TMEM91: variants seen among roughly 807,000 people sequenced by gnomAD.
TMEM91 encodes the protein transmembrane protein 91.
TMEM91 carries 6 observed loss-of-function variants against 13.3 expected under a neutral mutation model. The observed-to-expected ratio is 0.45, with a 90% CI of 0.25 to 0.89. The LOEUF is 0.89. TMEM91 is among the 40% of genes least tolerant of loss of function. TMEM91 has a pLI of 0.19. For synonymous variants in TMEM91, 87 were observed against 101.7 expected (o/e 0.86, Z 0.87); for missense variants, 193 against 228.7 (o/e 0.84, Z 1.01).
chr19:41,371,077 C>T (rs2038608772), intron 1 of TMEM91, among the ~76,000 whole-genome samples: 2 of 151,950 alleles, frequency 1.3e-5, no homozygotes, highest in Non-Finnish European at 2.9e-5. Context: ...TCTCAGCTCA[C>T]CACAACCTCT....
chr19:41,366,869 G>T (rs868689061), intron 1 of TMEM91, among the ~76,000 whole-genome samples: 4 of 152,178 alleles, frequency 2.6e-5, no homozygotes, highest in Admixed American at 6.5e-5. Flanking sequence ...CGGATTCGGT[G>T]GTTCATGCCC....
At chr19:41,379,137 C>CTT (rs569382453) in intron 2 of TMEM91, among the ~76,000 whole-genome samples, 71 of 109,058 alleles carry the variant, frequency 6.5e-4, no homozygotes, top group African/African-American at 2.1e-3. Context: ...CCCAGCCTTC[C>CTT]TTTTTTTTTT....
intron 2 of TMEM91, among the ~76,000 whole-genome samples, chr19:41,380,634 G>A (rs940639750): frequency 2.0e-5 from 3 of 152,056 alleles, no homozygotes; most frequent in Admixed American, 1.3e-4. Context: ...AATTAGGCCA[G>A]GCGCGGTGGC....
At chr19:41,364,275 A>G (rs1158799670) in intron 1 of TMEM91, 1 of 152,824 alleles carries the variant, frequency 6.5e-6, no homozygotes, top group Non-Finnish European at 1.5e-5. Context: ...CATTTTGGGA[A>G]AATAGCGTCT....
upstream of TMEM91, among the ~76,000 whole-genome samples, chr19:41,374,875 C>T (rs924647531): frequency 3.3e-5 from 5 of 152,186 alleles, no homozygotes; most frequent in East Asian, 3.9e-4. Context: ...CCTAACTACT[C>T]GGGAGGCTGA....
upstream of TMEM91, among the ~76,000 whole-genome samples, chr19:41,375,460 A>G (rs2038698746): frequency 6.7e-6 from 1 of 149,976 alleles, no homozygotes. Context: ...TTGTATTTTT[A>G]GTAGAGACAG....
At chr19:41,379,223 G>A (rs2038810841) in intron 2 of TMEM91, among the ~76,000 whole-genome samples, 1 of 147,374 alleles carries the variant, frequency 6.8e-6, no homozygotes. Context: ...GCTCACACTG[G>A]TAATCCCAGC....
chr19:41,378,984 A>ACC (rs1568492629), intron 2 of TMEM91, among the ~76,000 whole-genome samples: 1 of 151,804 alleles, frequency 6.6e-6, no homozygotes, highest in Non-Finnish European at 1.5e-5. Flanking sequence ...GGCATGTGCC[A>ACC]CCATGCCTGG....
At chr19:41,374,968 A>C (rs1568490677), upstream of TMEM91, among the ~76,000 whole-genome samples, 2 of 152,118 alleles carry the variant, frequency 1.3e-5, no homozygotes, top group East Asian at 3.9e-4. Flanking sequence ...GGGCAACAAG[A>C]GTGAAACTCC....
chr19:41,365,838 G>T (rs1231205760), intron 1 of TMEM91, among the ~76,000 whole-genome samples: 1 of 148,094 alleles, frequency 6.8e-6, no homozygotes, highest in Non-Finnish European at 1.5e-5. Context: ...AGCCTCCTTA[G>T]TAGCTGGGAT....
At chr19:41,368,723 A>C (rs2038568254) in intron 1 of TMEM91, among the ~76,000 whole-genome samples, 1 of 151,006 alleles carries the variant, frequency 6.6e-6, no homozygotes, top group Admixed American at 6.6e-5. Flanking sequence ...AGCTGTTTTA[A>C]AATATATCCA....
intron 1 of TMEM91, among the ~76,000 whole-genome samples, chr19:41,370,484 G>A (rs1340557846): frequency 6.6e-6 from 1 of 151,690 alleles, no homozygotes; most frequent in African/African-American, 2.4e-5. Flanking sequence ...TCAGCTCACT[G>A]CAACCTCCGC....
chr19:41,372,058 C>T (rs535017813), upstream of TMEM91, among the ~76,000 whole-genome samples: 247 of 151,218 alleles, frequency 1.6e-3, 1 homozygote, highest in African/African-American at 5.8e-3. Flanking sequence ...AGAGGGTGGT[C>T]TCAGTGGCTC....
At chr19:41,374,557 C>T (rs1483560684), upstream of TMEM91, 1 of 152,160 alleles carries the variant, frequency 6.6e-6, no homozygotes, top group Non-Finnish European at 1.5e-5. Context: ...TTTGTTGTTG[C>T]AGCAACTCTA....
intron 2 of TMEM91, among the ~76,000 whole-genome samples, chr19:41,381,596 C>T (rs2038889033): frequency 6.6e-6 from 1 of 152,082 alleles, no homozygotes; most frequent in African/African-American, 2.4e-5. Context: ...GATCTCCTGA[C>T]CTCATGATCC....
intron 1 of TMEM91, among the ~76,000 whole-genome samples, chr19:41,365,815 ATTC>A (rs1258447953): frequency 1.4e-5 from 2 of 147,520 alleles, no homozygotes; most frequent in South Asian, 4.3e-4. Flanking sequence ...GGTTCAAGCA[ATTC>A]TTCTGTCTCA....
chr19:41,368,718 T>C (rs993618840), intron 1 of TMEM91, among the ~76,000 whole-genome samples: 4 of 149,094 alleles, frequency 2.7e-5, no homozygotes, highest in African/African-American at 9.8e-5. Flanking sequence ...CCTGAAGCTG[T>C]TTTAAAATAT....
chr19:41,380,955 G>A (rs184451828), intron 2 of TMEM91, among the ~76,000 whole-genome samples: 9 of 148,838 alleles, frequency 6.0e-5, no homozygotes, highest in East Asian at 2.0e-4. Flanking sequence ...CCGTGGTGGT[G>A]GGTGCCTGTA....
At chr19:41,381,668 C>G (rs1472838236) in intron 2 of TMEM91, among the ~76,000 whole-genome samples, 1 of 151,994 alleles carries the variant, frequency 6.6e-6, no homozygotes, top group Non-Finnish European at 1.5e-5. Context: ...CTGGCCCATG[C>G]CTAGCTAATT....
Sources: allele counts gnomAD v4.1 joint callset (sites outside exome capture counted in the v4.1 genomes callset), GRCh38; gene constraint gnomAD v4.1.1; transcripts MANE v1.5; gene names NCBI Gene and HGNC (gene_info 2026-07-23, HGNC 2026-07-21).